Variants in SORL1 observed in about 807,000 individuals in gnomAD.
SORL1 encodes sortilin-related receptor.
Under a neutral mutation model 273.7 loss-of-function variants are expected in SORL1, and 127 were observed. The ratio of observed to expected loss-of-function variants is 0.46; its 90% CI spans 0.40 to 0.54. SORL1 has a LOEUF of 0.54. Ranked by LOEUF, SORL1 falls within the 20% of genes least tolerant of loss-of-function variation. The pLI is 0.00. For missense variants in SORL1, 2,494 were observed against 2,846.1 expected (o/e 0.88, Z 2.81); for synonymous variants, 1,031 against 1,067.4 (o/e 0.97, Z 0.66).
At chr11:121,532,844 C>T (rs1205003284) in intron 12 of SORL1, among the ~76,000 whole-genome samples, 9 of 152,008 alleles carry the variant, frequency 5.9e-5, no homozygotes, top group Non-Finnish European at 8.8e-5. Flanking sequence ...CCACCACGTC[C>T]GGCTAATTTT....
Position 121,567,056 on chromosome 11 carries a change from C to T in SORL1, c.3166C>T (p.Leu1056=). ...CAGCAGTGTGCTTCCATCAGGGGAC[C>T]TGATGTGTGACTGCCCTCAGGGCTA... The part of the protein sequence containing the change: ...VSSSVLPSGD[L]MCDCPQGYQL... Residue 1056 remains leucine (L), a synonymous_variant, in exon 22 of 48, where the codon CTG becomes TTG. Coordinates refer to ENST00000260197, the MANE Select transcript of SORL1 (RefSeq NM_003105.6). The T allele has an allele frequency of 1.2e-6, 2 of 1,614,176 alleles. No homozygotes were observed. Among genetic ancestry groups the T allele is most frequent in the Non-Finnish European group, 1.7e-6 (2 of 1,179,998 alleles).
chr11:121,604,564 T>G (rs1863441403), intron 33 of SORL1, among the ~76,000 whole-genome samples: 1 of 152,130 alleles, frequency 6.6e-6, no homozygotes, highest in Non-Finnish European at 1.5e-5. Context: ...TTTTTTTTTT[T>G]TTATGGACTT....
At chr11:121,471,774 G>A (rs140125103) in intron 2 of SORL1, among the ~76,000 whole-genome samples, 451 of 152,312 alleles carry the variant, frequency 3.0e-3, no homozygotes, top group African/African-American at 0.011. Context: ...CCACAGAAGG[G>A]AAGACAGAAG....
intron 24 of SORL1, among the ~76,000 whole-genome samples, chr11:121,575,839 T>C (rs11218347): frequency 0.086 from 13,119 of 152,254 alleles, 605 homozygotes; most frequent in African/African-American, 0.12. Flanking sequence ...TCTGGTATCA[T>C]TGAGCTCACG....
chr11:121,584,189 G>A (rs1034149518), intron 26 of SORL1, among the ~76,000 whole-genome samples: 2 of 152,174 alleles, frequency 1.3e-5, no homozygotes, highest in Non-Finnish European at 2.9e-5. Context: ...TAAGGTGAAA[G>A]GTTCTGACCA....
intron 33 of SORL1, 98 bp downstream of exon 33, chr11:121,604,422 T>C (rs996358321): frequency 4.2e-6 from 6 of 1,427,512 alleles, no homozygotes; most frequent in African/African-American, 1.4e-5. Context: ...AGGACCCTTT[T>C]GAACTGTTGC....
chr11:121,519,498 G>A (rs1282410346), intron 8 of SORL1, among the ~76,000 whole-genome samples: 2 of 151,638 alleles, frequency 1.3e-5, no homozygotes, highest in Non-Finnish European at 2.9e-5. Flanking sequence ...TGCAAGCTCC[G>A]CGTCCCGGGT....
chr11:121,488,780 G>A (rs1377412436), intron 4 of SORL1, among the ~76,000 whole-genome samples: 1 of 152,206 alleles, frequency 6.6e-6, no homozygotes, highest in African/African-American at 2.4e-5. Context: ...AGCTTGCCAA[G>A]TCAAGGATAT....
At chr11:121,592,022 C>G (rs1013209704) in intron 31 of SORL1, among the ~76,000 whole-genome samples, 6 of 152,146 alleles carry the variant, frequency 3.9e-5, no homozygotes, top group African/African-American at 1.4e-4. Context: ...TCTAGAAGAT[C>G]AATTTTTGAC....
chr11:121,616,150 C>A (rs934013768), intron 41 of SORL1, among the ~76,000 whole-genome samples: 1 of 152,128 alleles, frequency 6.6e-6, no homozygotes, highest in Non-Finnish European at 1.5e-5. Flanking sequence ...AGCACATGAC[C>A]GCCTCATCAC....
chr11:121,624,001 G>A lies in SORL1; in HGVS notation c.6172-1084G>A, dbSNP rs193199835. Among the ~76,000 whole-genome samples the A allele has an allele frequency of 1.0e-3, 159 of 152,268 alleles. 1 individual carries two copies. The highest frequency in any genetic ancestry group is 8.0e-3 in the Admixed American group (123 of 15,296). On this transcript the variant is annotated intron_variant, in intron 45 of 47. Coordinates refer to ENST00000260197, the MANE Select transcript of SORL1 (RefSeq NM_003105.6). ...GGAGCAAAGCCACATCTTACATGGC[G>A]GCAGACAAAGAGAGAATGAGAGCCA...
Position 121,629,674 on chromosome 11 carries a change from G to A in SORL1, c.*111G>A. ...GAGTTGCAATATGTTATTTTTATATGGGCCAAAAACAAAAAACAAAAAAAA... is the reference window on the plus strand; with the variant it reads ...GAGTTGCAATATGTTATTTTTATATAGGCCAAAAACAAAAAACAAAAAAAA... On this transcript the variant is annotated 3_prime_UTR_variant, in exon 48 of 48. Coordinates refer to ENST00000260197, the MANE Select transcript of SORL1 (RefSeq NM_003105.6). 1.7e-6 allele frequency: 1 copy of A among 577,828 alleles called. No homozygotes were observed. Among genetic ancestry groups the A allele is most frequent in the Non-Finnish European group, 3.1e-6 (1 of 325,036 alleles). The allele number at this position is 577,828 out of a possible 1,614,324, so 35.8% of individuals were successfully genotyped here.
chr11:121,599,309 C>T (rs1049744216), intron 32 of SORL1, among the ~76,000 whole-genome samples: 3 of 152,190 alleles, frequency 2.0e-5, no homozygotes, highest in Non-Finnish European at 2.9e-5. Context: ...CTTTGGGAGG[C>T]CAAGGCGGGT....
In SORL1 at chr11:121,499,463, A is replaced by G. The variant is rs188696823; in HGVS notation, c.939+2414A>G. 1.1e-4 allele frequency among the ~76,000 whole-genome samples: 16 copies of G among 152,300 alleles called. No individual in the cohort carries two copies. The East Asian group carries it at 3.1e-3, about 29-fold the overall frequency. ...GCTCAAATGCACTTTTCCCCAGATCATCCCAAGGTTGTCTAACAATCACCA... is the reference window on the plus strand; with the variant it reads ...GCTCAAATGCACTTTTCCCCAGATCGTCCCAAGGTTGTCTAACAATCACCA... On this transcript the variant is annotated intron_variant, in intron 6 of 47. Transcript: ENST00000260197.
chr11:121,501,564 A>G (rs1464190934), intron 6 of SORL1, among the ~76,000 whole-genome samples: 1 of 152,244 alleles, frequency 6.6e-6, no homozygotes, highest in Non-Finnish European at 1.5e-5. Flanking sequence ...ACAGTTCCAC[A>G]TGGCTGGAGA....
In SORL1 at chr11:121,608,374, T is replaced by C. The variant is rs1863511452; in HGVS notation, c.5239+198T>C. 1.0e-5 allele frequency: 6 copies of C among 575,982 alleles called. No homozygotes were observed. In the East Asian group the frequency reaches 1.4e-4, roughly 14 times the overall value. 35.7% of individuals were successfully genotyped at this position (575,982 alleles called of 1,614,324 possible). A position where few individuals can be genotyped will look rare whatever the true frequency, so the allele number is the denominator to read the frequency against. ...TTTTTGGGGTGACTGAGTGTCTTTT[T>C]CCTCCTAGTATTGAGCATTTCTTCT... On this transcript the variant is annotated intron_variant, in intron 38 of 47. Coordinates refer to ENST00000260197, the MANE Select transcript of SORL1 (RefSeq NM_003105.6).
At chr11:121,463,423 C>G (rs1197802864) in intron 1 of SORL1, among the ~76,000 whole-genome samples, 1 of 152,110 alleles carries the variant, frequency 6.6e-6, no homozygotes. Context: ...CAGAGGTAAA[C>G]AGTAGATAGG....
chr11:121,604,377 T>A, intron 33 of SORL1, 53 bp downstream of exon 33: 1 of 1,597,748 alleles, frequency 6.3e-7, no homozygotes, highest in Non-Finnish European at 8.5e-7. Context: ...GGAGGCTCGC[T>A]TACCCCAGGG....
intron 14 of SORL1, among the ~76,000 whole-genome samples, chr11:121,549,311 C>G (rs746720867): frequency 6.6e-6 from 1 of 152,176 alleles, no homozygotes; most frequent in Non-Finnish European, 1.5e-5. Flanking sequence ...CAGCCTTGAC[C>G]TCCTGGGCTC....
Sources: allele counts gnomAD v4.1 joint callset (sites outside exome capture counted in the v4.1 genomes callset), GRCh38; gene constraint gnomAD v4.1.1; transcripts MANE v1.5; gene names NCBI Gene and HGNC (gene_info 2026-07-23, HGNC 2026-07-21).